NLN: variants seen among roughly 807,000 people sequenced by gnomAD.
NLN encodes neurolysin, also known as neurolysin, mitochondrial.
Under a neutral mutation model 79.9 loss-of-function variants are expected in NLN, and 64 were observed. The observed-to-expected ratio is 0.80, with a 90% CI of 0.65 to 0.99. NLN has a LOEUF of 0.99. NLN is among the 50% of genes least tolerant of loss of function. The pLI, the probability that NLN is intolerant of heterozygous loss-of-function variation, is 0.00. For synonymous variants in NLN, 267 were observed against 296.6 expected (o/e 0.90, Z 1.02); for missense variants, 835 against 858.7 (o/e 0.97, Z 0.34).
chr5:65,774,731 T>TA (rs1320186215), intron 3 of NLN, among the ~76,000 whole-genome samples: 1,287 of 125,944 alleles, frequency 0.01, 11 homozygotes, highest in Middle Eastern at 0.032. Context: ...ATATATATAT[T>TA]TTTTTTTTTT....
intron 3 of NLN, among the ~76,000 whole-genome samples, chr5:65,769,593 GA>G (rs1220885093): frequency 4.6e-5 from 7 of 152,166 alleles, no homozygotes; most frequent in African/African-American, 1.7e-4. Context: ...TAAATGGATG[GA>G]AGAAATTACA....
At chr5:65,792,368 T>G (rs1244193647) in intron 8 of NLN, 86 bp from the exon 9 acceptor site, 1 of 782,690 alleles carries the variant, frequency 1.3e-6, no homozygotes, top group Non-Finnish European at 2.2e-6. Flanking sequence ...GTAACAGATA[T>G]GGCTTAATGA....
At chr5:65,817,127 G>A (rs760232104) in intron 12 of NLN, among the ~76,000 whole-genome samples, 24 of 152,240 alleles carry the variant, frequency 1.6e-4, no homozygotes, top group Non-Finnish European at 3.1e-4. Context: ...ATTCTGTTTT[G>A]AGGGCCTCTA....
intron 1 of NLN, among the ~76,000 whole-genome samples, chr5:65,757,359 T>C (rs550520903): frequency 6.6e-6 from 1 of 152,308 alleles, no homozygotes; most frequent in East Asian, 1.9e-4. Context: ...GCCTAGCTTT[T>C]AATCCTACCT....
chr5:65,811,246 C>T (rs898343984), intron 11 of NLN, among the ~76,000 whole-genome samples: 1 of 152,072 alleles, frequency 6.6e-6, no homozygotes, highest in Non-Finnish European at 1.5e-5. Flanking sequence ...TAAGAATGGT[C>T]CGTTGAGTCA....
intron 9 of NLN, among the ~76,000 whole-genome samples, chr5:65,799,274 A>G (rs1760232003): frequency 1.3e-5 from 2 of 152,236 alleles, no homozygotes; most frequent in South Asian, 4.1e-4. Flanking sequence ...AAGAAAAGTT[A>G]TAGTATCTTG....
intron 1 of NLN, among the ~76,000 whole-genome samples, chr5:65,735,896 C>G (rs1404071240): frequency 6.6e-6 from 1 of 152,086 alleles, no homozygotes. Context: ...TCTTTTCTTT[C>G]TCTCCCATTT....
chr5:65,758,466 G>C (rs1284536264), intron 1 of NLN, 101 bp from the exon 2 acceptor site: 2 of 774,826 alleles, frequency 2.6e-6, no homozygotes, highest in African/African-American at 3.5e-5. Flanking sequence ...TTTTAAAAAG[G>C]TTCTTTTTAA....
chr5:65,777,345 A>G, intron 3 of NLN, 82 bp from the exon 4 acceptor site: 1 of 898,614 alleles, frequency 1.1e-6, no homozygotes, highest in Non-Finnish European at 1.8e-6. Context: ...GAGATGATGA[A>G]TAAATTTGCT....
intron 9 of NLN, among the ~76,000 whole-genome samples, chr5:65,797,275 C>T (rs180973678): frequency 1.1e-3 from 171 of 152,224 alleles, no homozygotes; most frequent in African/African-American, 4.0e-3. Flanking sequence ...GTAAAGATGT[C>T]GTTATTCTAA....
At chr5:65,810,624 T>G (rs996899943) in intron 11 of NLN, among the ~76,000 whole-genome samples, 4 of 152,232 alleles carry the variant, frequency 2.6e-5, no homozygotes, top group African/African-American at 9.7e-5. Flanking sequence ...ACTCTTTTAG[T>G]TATTTTTAAA....
At chr5:65,756,398 C>T (rs183589319) in intron 1 of NLN, among the ~76,000 whole-genome samples, 9 of 152,242 alleles carry the variant, frequency 5.9e-5, no homozygotes, top group Admixed American at 6.5e-5. Context: ...GTACCAAATC[C>T]TTTTGAGTCA....
rs1318081186 is a variant in NLN, at chr5:65,740,568, T to C, written c.42-17999T>C. On this transcript the variant is annotated intron_variant, in intron 1 of 12. Coordinates refer to ENST00000380985, the MANE Select transcript of NLN (RefSeq NM_020726.5). Reference sequence around the variant, plus strand: ...TAGGATCTTACATTTATGTCTTTAATCCATTTTCAGTTGATTTTTGTATAT... The same window carrying C: ...TAGGATCTTACATTTATGTCTTTAACCCATTTTCAGTTGATTTTTGTATAT... 1.3e-5 allele frequency among the ~76,000 whole-genome samples: 2 copies of C among 152,132 alleles called. 1 individual carries two copies. The highest frequency in any genetic ancestry group is 2.9e-5 in the Non-Finnish European group (2 of 68,014).
At chr5:65,786,956 C>G (rs563367979) in intron 7 of NLN, among the ~76,000 whole-genome samples, 18 of 152,276 alleles carry the variant, frequency 1.2e-4, no homozygotes, top group Non-Finnish European at 2.1e-4. Flanking sequence ...CAGGTAATTA[C>G]TCTACAGTCT....
chr5:65,758,011 T>C (rs1759258979), intron 1 of NLN, among the ~76,000 whole-genome samples: 1 of 152,130 alleles, frequency 6.6e-6, no homozygotes, highest in Admixed American at 6.6e-5. Context: ...GGCAGGAGGA[T>C]TGCTTGAGCT....
At chr5:65,763,214 C>T (rs1025972029) in intron 3 of NLN, 106 bp downstream of exon 3, 23 of 946,614 alleles carry the variant, frequency 2.4e-5, no homozygotes, top group Admixed American at 7.2e-5. Flanking sequence ...GCTTTTGTTT[C>T]GAATGATTAT....
chr5:65,785,824 C>T lies in NLN; in HGVS notation c.872C>T (p.Ala291Val), dbSNP rs543041759. ...QQLLPLRTKV[A>V]KLLGYSTHAD... is the part of the protein sequence containing the mutation. Reference sequence around the variant, plus strand: ...CTACTCCCACTGCGAACCAAGGTGGCCAAACTACTCGGTTATAGCACACAT... The same window carrying T: ...CTACTCCCACTGCGAACCAAGGTGGTCAAACTACTCGGTTATAGCACACAT... Residue 291 changes from alanine (A) to valine (V), a missense_variant, in exon 7 of 13, where the codon GCC (alanine) becomes GTC (valine). Ala to Val is a moderately conservative substitution (Grantham distance 64). Coordinates refer to ENST00000380985, the MANE Select transcript of NLN (RefSeq NM_020726.5). The T allele has an allele frequency of 6.2e-7, 1 of 1,613,770 alleles. No homozygotes were observed. The highest frequency in any genetic ancestry group is 1.3e-5 in the African/African-American group (1 of 75,030).
At chr5:65,742,591 TTGTTTATAGGA>T (rs1758894380) in intron 1 of NLN, among the ~76,000 whole-genome samples, 3 of 152,202 alleles carry the variant, frequency 2.0e-5, no homozygotes, top group African/African-American at 7.2e-5. Flanking sequence ...TCGTGAATGG[TTGTTTATAGGA>T]TGTTTATATA....
intron 9 of NLN, among the ~76,000 whole-genome samples, chr5:65,796,280 G>A (rs772588907): frequency 3.7e-4 from 57 of 152,176 alleles, no homozygotes; most frequent in Non-Finnish European, 6.2e-4. Flanking sequence ...TGCTTACCAT[G>A]TATTCCATCA....
Sources: allele counts gnomAD v4.1 joint callset (sites outside exome capture counted in the v4.1 genomes callset), GRCh38; gene constraint gnomAD v4.1.1; transcripts MANE v1.5; gene names NCBI Gene and HGNC (gene_info 2026-07-23, HGNC 2026-07-21).